Variants in PROM1 observed in about 807,000 individuals in gnomAD.
PROM1 encodes prominin-1.
Under a neutral mutation model 116.9 loss-of-function variants are expected in PROM1, and 105 were observed. The observed-to-expected ratio is 0.90, with a 90% CI of 0.77 to 1.06. The LOEUF is 1.06. PROM1 is among the 50% of genes least tolerant of loss of function. PROM1 has a pLI of 0.00. For missense variants in PROM1, 1,122 were observed against 1,045.2 expected (o/e 1.07, Z -1.01); for synonymous variants, 393 against 387.0 (o/e 1.02, Z -0.18).
intron 2 of PROM1, among the ~76,000 whole-genome samples, chr4:16,064,696 C>G (rs1015564414): frequency 4.6e-5 from 7 of 152,108 alleles, no homozygotes; most frequent in South Asian, 2.1e-4. Flanking sequence ...AGTTCGAGAC[C>G]AGCCTAGCCA....
Position 16,020,185 on chromosome 4 carries a change from C to T in PROM1, c.785-1645G>A, listed in dbSNP as rs530306569. Among the ~76,000 whole-genome samples, 241 of 152,286 alleles carry T rather than the reference C, an allele frequency of 1.6e-3. 1 individual carries two copies. Among genetic ancestry groups the T allele is most frequent in the Middle Eastern group, 0.01 (3 of 294 alleles). On this transcript the variant is annotated intron_variant, in intron 8 of 27. Transcript: ENST00000447510. ...TAGCTTTGAGGATGTACCCAGAGAC[C>T]TGGGGAGGCTTCCAGAATTGAACTG... is the stretch of plus-strand genomic sequence containing the variant.
At chr4:15,985,570 G>C (rs1158241225) in intron 22 of PROM1, 190 bp downstream of exon 22, 2 of 599,408 alleles carry the variant, frequency 3.3e-6, no homozygotes, top group Non-Finnish European at 5.8e-6. Flanking sequence ...GAGCAAAGGG[G>C]ACCAGGAGGT....
intron 18 of PROM1, among the ~76,000 whole-genome samples, chr4:15,990,909 G>A (rs1264696799): frequency 6.6e-6 from 1 of 152,222 alleles, no homozygotes; most frequent in African/African-American, 2.4e-5. Flanking sequence ...GCTACTTTCT[G>A]CACACTGCCT....
chr4:16,000,634 A>G lies in PROM1; in HGVS notation c.1455-15T>C, dbSNP rs1723548796. The G allele has an allele frequency of 2.6e-6, 4 of 1,532,282 alleles. No individual in the cohort carries two copies. The highest frequency in any genetic ancestry group is 3.6e-6 in the Non-Finnish European group (4 of 1,118,042). The allele number at this position is 1,532,282 out of a possible 1,614,324, so 94.9% of individuals were successfully genotyped here. On this transcript the variant is annotated splice_polypyrimidine_tract_variant and intron_variant, in intron 13 of 27. Coordinates refer to ENST00000447510, the MANE Select transcript of PROM1 (RefSeq NM_006017.3). ...ATCCAACTCCACTGGAAAAAAATAT[A>G]AAGTTAGTAATTCAACAAAGAATGA... is the stretch of plus-strand genomic sequence containing the variant.
In PROM1 at chr4:16,002,597, T is replaced by C. The variant is rs73230293; in HGVS notation, c.1455-1978A>G. Among the ~76,000 whole-genome samples, 1,317 of 152,302 alleles carry C rather than the reference T, an allele frequency of 8.6e-3. 9 individuals are homozygous for C. The highest frequency in any genetic ancestry group is 0.017 in the Admixed American group (265 of 15,298). On this transcript the variant is annotated intron_variant, in intron 13 of 27. Transcript: ENST00000447510. ...TAAAATAAATAGCAAGTAATGTTCA[T>C]TGGAAAGGCCTAGGTCAGCCTGACT...
At chr4:16,045,970 C>T (rs1736460830) in intron 2 of PROM1, among the ~76,000 whole-genome samples, 3 of 152,182 alleles carry the variant, frequency 2.0e-5, no homozygotes, top group Non-Finnish European at 4.4e-5. Context: ...ATGTTCATAA[C>T]CAGTTTAAAC....
At chr4:15,995,721 T>C (rs1338029255) in intron 15 of PROM1, among the ~76,000 whole-genome samples, 5 of 152,160 alleles carry the variant, frequency 3.3e-5, no homozygotes, top group Non-Finnish European at 7.4e-5. Context: ...CCCACTAACC[T>C]ACTAAGATCA....
rs1163954076 is a variant in PROM1 at position 16,076,046 on chromosome 4, G to C, written c.-140C>G. 1.4e-6 allele frequency: 2 copies of C among 1,432,372 alleles called. No individual in the cohort carries two copies. Among genetic ancestry groups the C allele is most frequent in the Non-Finnish European group, 1.8e-6 (2 of 1,092,060 alleles). 88.7% of individuals were successfully genotyped at this position (1,432,372 alleles called of 1,614,324 possible). Reference sequence around the variant, plus strand: ...GGATCTGCTGAATCTTCAGTTTTCTGTCTGAGGCTGGCTTGAGGCGAGGGA... The same window carrying C: ...GGATCTGCTGAATCTTCAGTTTTCTCTCTGAGGCTGGCTTGAGGCGAGGGA... On this transcript the variant is annotated 5_prime_UTR_variant, in exon 2 of 28. Transcript: ENST00000447510.
chr4:16,004,465 A>C (rs1020875690), intron 13 of PROM1, among the ~76,000 whole-genome samples: 1 of 152,190 alleles, frequency 6.6e-6, no homozygotes, highest in African/African-American at 2.4e-5. Context: ...AGTGTGAATA[A>C]AATTTCGATG....
intron 11 of PROM1, among the ~76,000 whole-genome samples, chr4:16,010,701 G>A (rs1245823691): frequency 6.6e-6 from 1 of 151,914 alleles, no homozygotes; most frequent in Admixed American, 6.6e-5. Flanking sequence ...GTAGAGATGG[G>A]AAGATGGAAT....
intron 12 of PROM1, 87 bp from the exon 13 acceptor site, chr4:16,006,777 G>C: frequency 7.4e-7 from 1 of 1,352,278 alleles, no homozygotes; most frequent in East Asian, 2.5e-5. Context: ...TGGAGCCGAT[G>C]AGTTATTCTT....
Position 15,992,237 on chromosome 4 carries a change from A to C in PROM1, c.1911+11T>G. Reference sequence around the variant, plus strand: ...CTCCTAAAGGATCAAGCATGAACACATGCGCCATACCTGAGCCAAGTAGCT... The same window carrying C: ...CTCCTAAAGGATCAAGCATGAACACCTGCGCCATACCTGAGCCAAGTAGCT... On this transcript the variant is annotated intron_variant, in intron 17 of 27. Transcript: ENST00000447510. 2 of 1,613,366 alleles carry C rather than the reference A, an allele frequency of 1.2e-6. No individual in the cohort carries two copies. The highest frequency in any genetic ancestry group is 1.7e-6 in the Non-Finnish European group (2 of 1,179,702).
intron 2 of PROM1, among the ~76,000 whole-genome samples, chr4:16,057,572 A>G (rs1357524065): frequency 6.6e-6 from 1 of 152,144 alleles, no homozygotes; most frequent in African/African-American, 2.4e-5. Flanking sequence ...CTCTCCAGCC[A>G]TTTTCTGTAA....
At chr4:15,980,609 T>A in intron 23 of PROM1, 72 bp from the exon 24 acceptor site, 4 of 23,740 alleles carry the variant, frequency 1.7e-4, no homozygotes, top group East Asian at 5.8e-4. Context: ...TTGGGGGATT[T>A]TTTTTTTTTT....
chr4:16,027,044 G>A (rs879674818), intron 5 of PROM1, among the ~76,000 whole-genome samples: 3 of 152,204 alleles, frequency 2.0e-5, no homozygotes, highest in Non-Finnish European at 4.4e-5. Context: ...TTCTCAAGCT[G>A]TAAAGGAGAG....
At chr4:16,047,709 A>AT (rs1359620717) in intron 2 of PROM1, among the ~76,000 whole-genome samples, 1 of 152,172 alleles carries the variant, frequency 6.6e-6, no homozygotes, top group Non-Finnish European at 1.5e-5. Context: ...CCAGCCAGCT[A>AT]TTGCTCCTGC....
At chr4:16,010,156 G>T (rs977506916) in intron 11 of PROM1, among the ~76,000 whole-genome samples, 2 of 152,112 alleles carry the variant, frequency 1.3e-5, no homozygotes, top group African/African-American at 4.8e-5. Context: ...TTGCTCAGTC[G>T]TAATTTCTCA....
At chr4:16,065,039 T>C (rs1741201088) in intron 2 of PROM1, among the ~76,000 whole-genome samples, 1 of 152,242 alleles carries the variant, frequency 6.6e-6, no homozygotes. Context: ...AAGCCACTAG[T>C]GTCCAAATAC....
intron 1 of PROM1, chr4:16,079,964 T>C (rs958448188): frequency 1.7e-5 from 2 of 120,606 alleles, no homozygotes; most frequent in African/African-American, 3.2e-5. Flanking sequence ...TGGTACTCAA[T>C]GAAGAATTGC....
Sources: gnomAD v4.1 joint callset for allele counts (sites outside exome capture counted in the v4.1 genomes callset) on GRCh38, gnomAD v4.1.1 for gene constraint, MANE v1.5 for transcripts, NCBI Gene and HGNC (gene_info 2026-07-23, HGNC 2026-07-21) for gene names.